The following PARN variants were observed in gnomAD, a reference collection of about 807,000 sequenced individuals.
PARN encodes the protein poly(A)-specific ribonuclease PARN.
A neutral mutation model predicts 102.8 loss-of-function variants in PARN; 71 were observed. The observed-to-expected ratio is 0.69, with a 90% CI of 0.57 to 0.84. The LOEUF (loss-of-function observed/expected upper bound fraction) is 0.84. Among genes scored for constraint, PARN ranks in the 40% least tolerant of loss-of-function variants. The probability of loss-of-function intolerance (pLI) is 0.00; values close to 1 mark genes in which losing one functional copy is unlikely to be tolerated. For missense variants in PARN, 782 were observed against 760.9 expected (o/e 1.03, Z -0.33); for synonymous variants, 261 against 252.9 (o/e 1.03, Z -0.30).
At chr16:14,613,490 C>G (rs8046187) in intron 6 of PARN, among the ~76,000 whole-genome samples, 101,066 of 151,706 alleles carry the variant, frequency 0.67, 34,878 homozygotes, top group Non-Finnish European at 0.76. Flanking sequence ...ACGCGTGGTG[C>G]CACGCGCCTA....
intron 2 of PARN, among the ~76,000 whole-genome samples, chr16:14,629,004 T>G (rs572472316): frequency 8.5e-5 from 13 of 152,310 alleles, no homozygotes; most frequent in Admixed American, 4.6e-4. Context: ...AATATCTCAT[T>G]TATCTGCAAA....
chr16:14,605,615 T>C (rs1471753411), intron 10 of PARN, among the ~76,000 whole-genome samples: 2 of 152,228 alleles, frequency 1.3e-5, no homozygotes, highest in East Asian at 1.9e-4. Context: ...ATATTTTGTG[T>C]CCACTAAAGA....
chr16:14,555,159 A>G (rs1037423843), intron 19 of PARN, among the ~76,000 whole-genome samples: 3 of 152,224 alleles, frequency 2.0e-5, no homozygotes, highest in African/African-American at 4.8e-5. Flanking sequence ...TTAAGGTAAA[A>G]AAGAGCAGTG....
intron 22 of PARN, among the ~76,000 whole-genome samples, chr16:14,473,180 C>A (rs945856835): frequency 2.4e-4 from 36 of 152,160 alleles, no homozygotes; most frequent in African/African-American, 8.7e-4. Context: ...AAGAATATAA[C>A]AGGAGCTGCC....
Position 14,435,837 on chromosome 16 carries a change from G to A in PARN, c.*880C>T, listed in dbSNP as rs1294006890. On this transcript the variant is annotated 3_prime_UTR_variant, in exon 24 of 24. Transcript: ENST00000437198. ...CAAAGCAGCGCCATGAGCGTTTGTC[G>A]TTGCTGTGATCTGTTTCAACGGAGA... The A allele has an allele frequency of 2.0e-5, 3 of 150,420 alleles. No homozygotes were observed. The East Asian group carries it at 5.9e-4, about 30-fold the overall frequency. 9.3% of individuals were successfully genotyped at this position (150,420 alleles called of 1,614,324 possible).
intron 21 of PARN, among the ~76,000 whole-genome samples, chr16:14,542,137 TG>T (rs200295311): frequency 0.019 from 2,820 of 152,086 alleles, 46 homozygotes; most frequent in Middle Eastern, 0.048. Flanking sequence ...CCTAAGTAGC[TG>T]GGACTACAGG....
At chr16:14,581,439 C>T (rs905228156) in intron 17 of PARN, among the ~76,000 whole-genome samples, 1 of 152,160 alleles carries the variant, frequency 6.6e-6, no homozygotes, top group African/African-American at 2.4e-5. Context: ...CTCATCTCCT[C>T]CCACTCCTAC....
In PARN at chr16:14,582,253, C is replaced by G. The variant is rs1969578715; in HGVS notation, c.1120G>C (p.Glu374Gln). 2 of 1,613,734 alleles carry G rather than the reference C, an allele frequency of 1.2e-6. No individual in the cohort carries two copies. Among genetic ancestry groups the G allele is most frequent in the Non-Finnish European group, 1.7e-6 (2 of 1,179,680 alleles). ...EGFPSYDTAS[E>Q]QLHEAGYDAY... The stretch of plus-strand genomic sequence containing the variant: ...TCGTAGCCTGCCTCGTGGAGTTGTT[C>G]AGAGGCTGTGTCATAACTTGGAAAA... Residue 374 changes from glutamate to glutamine, a missense_variant, in exon 17 of 24, where the codon GAA (glutamate) becomes CAA (glutamine). Transcript: ENST00000437198.
intron 21 of PARN, among the ~76,000 whole-genome samples, chr16:14,495,501 G>C (rs1347852753): frequency 6.6e-6 from 1 of 152,200 alleles, no homozygotes; most frequent in Non-Finnish European, 1.5e-5. Context: ...AGAGTACTGA[G>C]CACTCAGGCA....
At chr16:14,476,903 C>T (rs988008503) in intron 22 of PARN, among the ~76,000 whole-genome samples, 1 of 152,096 alleles carries the variant, frequency 6.6e-6, no homozygotes, top group Non-Finnish European at 1.5e-5. Flanking sequence ...CTAAATAATA[C>T]ATAATTCAAC....
intron 3 of PARN, 99 bp from the exon 4 acceptor site, chr16:14,627,435 A>ACC: frequency 1.3e-6 from 1 of 757,542 alleles, no homozygotes; most frequent in Non-Finnish European, 2.3e-6. Flanking sequence ...ACTCAATGAG[A>ACC]CTTCAGCAGA....
chr16:14,621,656 CA>C (rs34708498), intron 5 of PARN, among the ~76,000 whole-genome samples: 1 of 151,766 alleles, frequency 6.6e-6, no homozygotes, highest in African/African-American at 2.4e-5. Flanking sequence ...ACTAAAAATA[CA>C]AAAAATTAGC....
At chr16:14,442,480 T>A (rs1960986279) in intron 23 of PARN, among the ~76,000 whole-genome samples, 1 of 152,162 alleles carries the variant, frequency 6.6e-6, no homozygotes, top group South Asian at 2.1e-4. Context: ...TACATTCACC[T>A]CCTGAAAATA....
intron 21 of PARN, among the ~76,000 whole-genome samples, chr16:14,540,421 C>T (rs1966795298): frequency 6.6e-6 from 1 of 152,004 alleles, no homozygotes; most frequent in Non-Finnish European, 1.5e-5. Flanking sequence ...AAGGTAGAAG[C>T]AAAGACACTA....
intron 22 of PARN, among the ~76,000 whole-genome samples, chr16:14,468,878 A>AATAG (rs59011829): frequency 0.34 from 46,851 of 139,294 alleles, 8,236 homozygotes; most frequent in African/African-American, 0.42. Flanking sequence ...CCCATTACTA[A>AATAG]ATAGATAGAT....
chr16:14,545,452 C>T (rs1321604026), intron 21 of PARN, among the ~76,000 whole-genome samples: 1 of 152,066 alleles, frequency 6.6e-6, no homozygotes, highest in Non-Finnish European at 1.5e-5. Flanking sequence ...AAGAAGAAAT[C>T]ACAAAACTTT....
chr16:14,627,386 G>T, intron 3 of PARN, 50 bp from the exon 4 acceptor site: 1 of 1,313,970 alleles, frequency 7.6e-7, no homozygotes, highest in Non-Finnish European at 1.1e-6. Flanking sequence ...CATATTCCAT[G>T]TGAGCATAGC....
Position 14,436,638 on chromosome 16 carries a change from T to C in PARN, c.*79A>G, listed in dbSNP as rs552263027. The stretch of plus-strand genomic sequence containing the variant: ...CCATACCACATTTGATTAAGTTAAA[T>C]ACAGTGCGGCTTCCAAATGTGCCAG... On this transcript the variant is annotated 3_prime_UTR_variant, in exon 24 of 24. Transcript: ENST00000437198. 4 of 1,031,436 alleles carry C rather than the reference T, an allele frequency of 3.9e-6. No individual in the cohort carries two copies. Among genetic ancestry groups the C allele is most frequent in the African/African-American group, 3.2e-5 (2 of 63,268 alleles). The allele number at this position is 1,031,436 out of a possible 1,614,324, so 63.9% of individuals were successfully genotyped here. A position where few individuals can be genotyped will look rare whatever the true frequency, so the allele number is the denominator to read the frequency against.
At chr16:14,448,660 C>T (rs1160258459) in intron 22 of PARN, among the ~76,000 whole-genome samples, 8 of 152,222 alleles carry the variant, frequency 5.3e-5, no homozygotes, top group Admixed American at 4.6e-4. Context: ...CTCCACATTA[C>T]TCCTGCACTC....
Sources: gnomAD v4.1 joint callset for allele counts (sites outside exome capture counted in the v4.1 genomes callset) on GRCh38, gnomAD v4.1.1 for gene constraint, MANE v1.5 for transcripts, NCBI Gene and HGNC (gene_info 2026-07-23, HGNC 2026-07-21) for gene names.